The following ATG7 variants were observed in gnomAD, a reference collection of about 807,000 sequenced individuals.
ATG7 encodes ubiquitin-like modifier-activating enzyme ATG7.
In ATG7, 70 loss-of-function variants were observed where a neutral mutation model predicts 82.4. The observed-to-expected ratio is 0.85, with a 90% CI of 0.70 to 1.04. The LOEUF is 1.04. Among genes scored for constraint, ATG7 ranks in the 50% least tolerant of loss-of-function variants. The probability of loss-of-function intolerance (pLI) is 0.00; values close to 1 mark genes in which losing one functional copy is unlikely to be tolerated. For missense variants in ATG7, 792 were observed against 864.3 expected (o/e 0.92, Z 1.05); for synonymous variants, 287 against 313.0 (o/e 0.92, Z 0.88).
intron 20 of ATG7, among the ~76,000 whole-genome samples, chr3:11,454,104 C>T (rs1221066246): frequency 6.6e-6 from 1 of 152,134 alleles, no homozygotes; most frequent in Non-Finnish European, 1.5e-5. Flanking sequence ...ATTAAGGCTT[C>T]CCTAGAGAGA....
chr3:11,338,918 T>A (rs1203686648), intron 11 of ATG7, among the ~76,000 whole-genome samples: 1 of 152,170 alleles, frequency 6.6e-6, no homozygotes, highest in East Asian at 1.9e-4. Flanking sequence ...ACTATTTTTT[T>A]AAATGTCAAC....
At position 11,503,117 on chromosome 3, in the gene ATG7, CCTT is replaced by C. The variant is rs565523765; in HGVS notation, c.2080-51691_2080-51689del. Reference sequence around the variant, plus strand: ...CCTTCCAGGCAGGAGAGTGGGCAGTCCTTCTCCAGAGCCTCTGACCAGCTCAAA... The same window carrying C: ...CCTTCCAGGCAGGAGAGTGGGCAGTCCTCCAGAGCCTCTGACCAGCTCAAA... On this transcript the variant is annotated intron_variant, in intron 20 of 20. Coordinates refer to ENST00000693202, the MANE Select transcript of ATG7 (RefSeq NM_001349232.2). Among the ~76,000 whole-genome samples, 8 of 152,268 alleles carry C rather than the reference CCTT, an allele frequency of 5.3e-5. No homozygotes were observed. In the East Asian group the frequency reaches 1.4e-3, roughly 26 times the overall value.
intron 14 of ATG7, 122 bp from the exon 15 acceptor site, chr3:11,358,296 G>A: frequency 1.0e-6 from 1 of 953,006 alleles, no homozygotes; most frequent in Non-Finnish European, 1.6e-6. Flanking sequence ...CAGCATAATA[G>A]TGCACAGGGA....
intron 20 of ATG7, among the ~76,000 whole-genome samples, chr3:11,472,667 G>T (rs1394157742): frequency 1.3e-5 from 2 of 152,106 alleles, no homozygotes; most frequent in African/African-American, 4.8e-5. Context: ...TTCCTAGAAT[G>T]GTATGATAGA....
intron 3 of ATG7, chr3:11,288,542 G>GTATTTTTTTATACATAA: frequency 6.6e-6 from 1 of 152,110 alleles, no homozygotes; most frequent in South Asian, 2.1e-4. Flanking sequence ...AATTATTTTA[G>GTATTTTTTTATACATAA]TTATTTCTGT....
In ATG7 at chr3:11,426,886, C is replaced by T; in HGVS notation, c.2039C>T (p.Thr680Ile). ...NSSHSFLEDL[T>I]GLTLLHQETQ... is the part of the protein sequence containing the mutation. ...TCACATTCCTTCTTAGAAGACTTGA[C>T]TGGTCTTACATTGCTGCATCAAGAA... Residue 680 changes from threonine (T) to isoleucine (I), a missense_variant, in exon 20 of 21, where the codon ACT (threonine) becomes ATT (isoleucine). Coordinates refer to ENST00000693202, the MANE Select transcript of ATG7 (RefSeq NM_001349232.2). The T allele has an allele frequency of 6.2e-7, 1 of 1,611,266 alleles. No homozygotes were observed. The highest frequency in any genetic ancestry group is 1.1e-5 in the South Asian group (1 of 90,342).
At chr3:11,489,996 C>T (rs2090177141) in intron 20 of ATG7, among the ~76,000 whole-genome samples, 1 of 151,950 alleles carries the variant, frequency 6.6e-6, no homozygotes. Flanking sequence ...ATTAGGTCCG[C>T]TTGGTGCAGA....
intron 20 of ATG7, among the ~76,000 whole-genome samples, chr3:11,492,133 C>T (rs1212254038): frequency 6.6e-6 from 1 of 152,212 alleles, no homozygotes; most frequent in Non-Finnish European, 1.5e-5. Flanking sequence ...TCATAGGACC[C>T]TCCGAGCCAG....
chr3:11,406,021 A>G (rs994215865), intron 19 of ATG7, among the ~76,000 whole-genome samples: 4 of 144,344 alleles, frequency 2.8e-5, no homozygotes, highest in African/African-American at 1.0e-4. Flanking sequence ...ATGGAATCTC[A>G]CTCTGTTACC....
chr3:11,399,620 G>C (rs940181052), intron 19 of ATG7, among the ~76,000 whole-genome samples: 11 of 151,496 alleles, frequency 7.3e-5, no homozygotes, highest in African/African-American at 2.7e-4. Flanking sequence ...TATCGCCCAG[G>C]CTAGAGTGCA....
intron 19 of ATG7, among the ~76,000 whole-genome samples, chr3:11,423,174 C>T (rs2082080449): frequency 1.3e-5 from 2 of 152,058 alleles, no homozygotes; most frequent in Non-Finnish European, 2.9e-5. Context: ...GAAATAGGCC[C>T]AAAGAGAGGG....
At chr3:11,542,947 G>T (rs2070956540) in intron 20 of ATG7, among the ~76,000 whole-genome samples, 1 of 152,184 alleles carries the variant, frequency 6.6e-6, no homozygotes. Flanking sequence ...TGTAGGGGGA[G>T]TGGGGAGGAT....
intron 20 of ATG7, among the ~76,000 whole-genome samples, chr3:11,445,845 T>C (rs2084497281): frequency 6.6e-6 from 1 of 152,194 alleles, no homozygotes; most frequent in South Asian, 2.1e-4. Flanking sequence ...TGCCAATCTG[T>C]ATAACAGTAT....
chr3:11,393,855 A>G (rs1187304608), intron 19 of ATG7, among the ~76,000 whole-genome samples: 1 of 152,086 alleles, frequency 6.6e-6, no homozygotes, highest in Admixed American at 6.6e-5. Flanking sequence ...TAATTGTTGT[A>G]TATTTTGTAG....
chr3:11,355,019 G>A (rs59278888), intron 14 of ATG7, among the ~76,000 whole-genome samples: 3,746 of 152,306 alleles, frequency 0.025, 156 homozygotes, highest in African/African-American at 0.082. Flanking sequence ...AGCAGCTGAG[G>A]TGGCTGGAAT....
At chr3:11,525,414 C>G (rs1339788848) in intron 20 of ATG7, among the ~76,000 whole-genome samples, 1 of 147,856 alleles carries the variant, frequency 6.8e-6, no homozygotes, top group Non-Finnish European at 1.5e-5. Flanking sequence ...GAATGATTAA[C>G]TTTACTCATA....
rs372856416 is a variant in ATG7, at chr3:11,443,298, G to A, written c.2079+16372G>A. Reference sequence around the variant, plus strand: ...AACCATTATCTCCCTTGAAAAATGAGTTCTGGCTCACTCCTTACTACTAAG... The same window carrying A: ...AACCATTATCTCCCTTGAAAAATGAATTCTGGCTCACTCCTTACTACTAAG... On this transcript the variant is annotated intron_variant, in intron 20 of 20. Coordinates refer to ENST00000693202, the MANE Select transcript of ATG7 (RefSeq NM_001349232.2). 1.1e-4 allele frequency among the ~76,000 whole-genome samples: 16 copies of A among 152,284 alleles called. No homozygotes were observed. In the East Asian group the frequency reaches 3.1e-3, roughly 29 times the overall value.
At chr3:11,455,364 G>T (rs1040357310) in intron 20 of ATG7, among the ~76,000 whole-genome samples, 1 of 152,156 alleles carries the variant, frequency 6.6e-6, no homozygotes, top group African/African-American at 2.4e-5. Context: ...GAATAATGTG[G>T]TTTAGAGTAG....
chr3:11,379,587 C>A (rs1279503482), intron 18 of ATG7, among the ~76,000 whole-genome samples: 2 of 152,136 alleles, frequency 1.3e-5, no homozygotes, highest in Non-Finnish European at 2.9e-5. Context: ...GTGTATTTAC[C>A]CCATATTCAC....
Sources: gnomAD v4.1 joint callset for allele counts (sites outside exome capture counted in the v4.1 genomes callset) on GRCh38, gnomAD v4.1.1 for gene constraint, MANE v1.5 for transcripts, NCBI Gene and HGNC (gene_info 2026-07-23, HGNC 2026-07-21) for gene names.